Variants in PPP3CA observed in about 807,000 individuals in gnomAD.
PPP3CA encodes CAM-PRP catalytic subunit.
Under a neutral mutation model 66.5 loss-of-function variants are expected in PPP3CA, and 14 were observed. The observed-to-expected ratio is 0.21, with a 90% CI of 0.14 to 0.33. The LOEUF (loss-of-function observed/expected upper bound fraction) is 0.33. Ranked by LOEUF, PPP3CA falls within the 10% of genes least tolerant of loss-of-function variation. The pLI is 1.00. For missense variants in PPP3CA, 317 were observed against 639.5 expected (o/e 0.50, Z 5.44); for synonymous variants, 232 against 226.2 (o/e 1.03, Z -0.23).
chr4:101,168,442 A>G (rs1295271125), intron 2 of PPP3CA, among the ~76,000 whole-genome samples: 1 of 152,208 alleles, frequency 6.6e-6, no homozygotes, highest in Non-Finnish European at 1.5e-5. Context: ...ATATTTAGGA[A>G]TCATCTCACA....
chr4:101,109,631 A>G (rs1005268549), intron 2 of PPP3CA, among the ~76,000 whole-genome samples: 1 of 149,342 alleles, frequency 6.7e-6, no homozygotes, highest in African/African-American at 2.5e-5. Flanking sequence ...TGTAAGACAC[A>G]TCATTAGTTT....
At chr4:101,161,181 C>T (rs997599198) in intron 2 of PPP3CA, among the ~76,000 whole-genome samples, 1 of 152,126 alleles carries the variant, frequency 6.6e-6, no homozygotes, top group African/African-American at 2.4e-5. Flanking sequence ...ATCACATTCT[C>T]TAGGTTTATA....
chr4:101,232,931 C>G (rs913514038), intron 1 of PPP3CA, among the ~76,000 whole-genome samples: 3 of 151,664 alleles, frequency 2.0e-5, no homozygotes, highest in Admixed American at 2.0e-4. Context: ...TACAGATTTA[C>G]TAGTATTTAT....
rs77589714 is a variant in PPP3CA, at chr4:101,113,276, T to C, written c.260-4198A>G. Among the ~76,000 whole-genome samples the C allele has an allele frequency of 6.9e-3, 1,052 of 152,186 alleles. 8 individuals are homozygous for C. Among genetic ancestry groups the C allele is most frequent in the African/African-American group, 0.024 (1,000 of 41,528 alleles). Reference sequence around the variant, plus strand: ...GAATCAGAATCTCCAGAGATGCAGATTCACTAACAAGCTCTTGGATCTATC... The same window carrying C: ...GAATCAGAATCTCCAGAGATGCAGACTCACTAACAAGCTCTTGGATCTATC... On this transcript the variant is annotated intron_variant, in intron 2 of 13. Coordinates refer to ENST00000394854, the MANE Select transcript of PPP3CA (RefSeq NM_000944.5).
chr4:101,241,366 G>C (rs1726303548), intron 1 of PPP3CA, among the ~76,000 whole-genome samples: 1 of 152,064 alleles, frequency 6.6e-6, no homozygotes, highest in African/African-American at 2.4e-5. Flanking sequence ...GTAAATGTTA[G>C]AGCACTATAA....
intron 11 of PPP3CA, among the ~76,000 whole-genome samples, chr4:101,037,529 C>T (rs868718569): frequency 6.6e-6 from 1 of 152,154 alleles, no homozygotes; most frequent in African/African-American, 2.4e-5. Flanking sequence ...GCACTTCTCT[C>T]CCCATAGCCT....
intron 2 of PPP3CA, among the ~76,000 whole-genome samples, chr4:101,183,685 G>A (rs138851984): frequency 2.3e-3 from 345 of 152,064 alleles, no homozygotes; most frequent in African/African-American, 8.1e-3. Context: ...GCTATAAAAT[G>A]GGCACTGTGT....
chr4:101,087,118 G>C (rs184917002), intron 6 of PPP3CA, among the ~76,000 whole-genome samples: 1 of 152,254 alleles, frequency 6.6e-6, no homozygotes, highest in East Asian at 1.9e-4. Context: ...CCTGGGAATG[G>C]GTACTTAGCC....
intron 1 of PPP3CA, among the ~76,000 whole-genome samples, chr4:101,315,710 TG>T (rs1289963925): frequency 6.6e-6 from 1 of 152,190 alleles, no homozygotes; most frequent in Admixed American, 6.5e-5. Context: ...TAAGTCAAAG[TG>T]GGTAATCTAG....
intron 1 of PPP3CA, among the ~76,000 whole-genome samples, chr4:101,228,841 G>A (rs1725863073): frequency 6.6e-6 from 1 of 151,610 alleles, no homozygotes; most frequent in Admixed American, 6.6e-5. Context: ...AAAAGATCTG[G>A]AAGTAAATAC....
intron 1 of PPP3CA, among the ~76,000 whole-genome samples, chr4:101,315,744 A>G (rs150352017): frequency 6.6e-6 from 1 of 152,344 alleles, no homozygotes; most frequent in Non-Finnish European, 1.5e-5. Context: ...CAATTCCACA[A>G]AGTCATCAAG....
chr4:101,227,513 G>A (rs375322171), intron 1 of PPP3CA, among the ~76,000 whole-genome samples: 3 of 151,868 alleles, frequency 2.0e-5, no homozygotes, highest in East Asian at 3.9e-4. Flanking sequence ...CACTAGTGGT[G>A]CTTAGAGGAG....
chr4:101,079,180 A>G (rs558302815), intron 8 of PPP3CA, among the ~76,000 whole-genome samples: 1 of 152,326 alleles, frequency 6.6e-6, no homozygotes, highest in South Asian at 2.1e-4. Flanking sequence ...AAGGTGGCCA[A>G]GGCCCATATT....
chr4:101,112,529 A>G (rs1721706971), intron 2 of PPP3CA, among the ~76,000 whole-genome samples: 1 of 152,172 alleles, frequency 6.6e-6, no homozygotes, highest in Non-Finnish European at 1.5e-5. Flanking sequence ...ACCTATCATA[A>G]TGTTCAGTAA....
In PPP3CA at chr4:101,098,598, T is replaced by C. The variant is rs2110253826; in HGVS notation, c.497-86A>G. 3.9e-6 allele frequency: 5 copies of C among 1,279,892 alleles called. No individual in the cohort carries two copies. The Admixed American group carries it at 8.0e-5, about 21-fold the overall frequency. 79.3% of individuals were successfully genotyped at this position (1,279,892 alleles called of 1,614,324 possible). On this transcript the variant is annotated intron_variant, in intron 4 of 13. Coordinates refer to ENST00000394854, the MANE Select transcript of PPP3CA (RefSeq NM_000944.5). ...GTTTTGGTTTTTTGAGAAGTTTTCT[T>C]GCTAGGACCCTATTATTAACATAAA...
chr4:101,083,344 A>G, intron 6 of PPP3CA, 81 bp from the exon 7 acceptor site: 1 of 1,196,688 alleles, frequency 8.4e-7, no homozygotes, highest in Non-Finnish European at 1.2e-6. Context: ...ATCCAGATCT[A>G]TGTGACTGGA....
At chr4:101,060,665 C>A (rs1728423344) in intron 10 of PPP3CA, among the ~76,000 whole-genome samples, 9 of 151,938 alleles carry the variant, frequency 5.9e-5, no homozygotes, top group Admixed American at 5.3e-4. Flanking sequence ...ATGTAAATGC[C>A]TTTTTCATCA....
At position 101,063,510 on chromosome 4, in the gene PPP3CA, T is replaced by C. The variant is rs571119404; in HGVS notation, c.956-153A>G. ...CATCCCAGAATGCTTATACAACTTA[T>C]GGACTTAAACCTTACTCAGGGTAAT... On this transcript the variant is annotated intron_variant, in intron 8 of 13. Coordinates refer to ENST00000394854, the MANE Select transcript of PPP3CA (RefSeq NM_000944.5). 5.9e-5 allele frequency among the ~76,000 whole-genome samples: 9 copies of C among 152,076 alleles called. No homozygotes were observed. In the South Asian group the frequency reaches 1.7e-3, roughly 28 times the overall value.
chr4:101,130,626 C>T (rs1161411981), intron 2 of PPP3CA, among the ~76,000 whole-genome samples: 2 of 152,106 alleles, frequency 1.3e-5, no homozygotes, highest in African/African-American at 4.8e-5. Flanking sequence ...AATTTTCAAC[C>T]CAGAATTTTA....
Sources: gnomAD v4.1 joint callset for allele counts (sites outside exome capture counted in the v4.1 genomes callset) on GRCh38, gnomAD v4.1.1 for gene constraint, MANE v1.5 for transcripts, NCBI Gene and HGNC (gene_info 2026-07-23, HGNC 2026-07-21) for gene names.